The following NAA35 variants were observed in gnomAD, a reference collection of about 807,000 sequenced individuals.
NAA35 encodes the protein MAK10 homolog, amino-acid N-acetyltransferase subunit.
A neutral mutation model predicts 101.7 loss-of-function variants in NAA35; 18 were observed. The observed-to-expected ratio is 0.18, with a 90% CI of 0.12 to 0.26. The LOEUF is 0.26. Ranked by LOEUF, NAA35 falls within the 10% of genes least tolerant of loss-of-function variation. The pLI is 1.00. For missense variants in NAA35, 601 were observed against 886.8 expected (o/e 0.68, Z 4.09); for synonymous variants, 267 against 273.1 (o/e 0.98, Z 0.22).
chr9:85,962,087 A>G lies in NAA35; in HGVS notation c.423A>G (p.Ile141Met), dbSNP rs766499285. The G allele has an allele frequency of 2.5e-6, 4 of 1,614,150 alleles. No individual in the cohort carries two copies. Among genetic ancestry groups the G allele is most frequent in the South Asian group, 1.1e-5 (1 of 91,082 alleles). The change falls in exon 6 of 23, where the codon ATA becomes ATG. Residue 141 changes from isoleucine to methionine, a missense_variant. Physicochemically the swap from Ile to Met is conservative, Grantham distance 10. Around this residue, in one of 8 missense-constraint regions of NAA35, gnomAD observed 86 missense variants for 169.4 expected, o/e 0.51. Coordinates refer to ENST00000361671, the MANE Select transcript of NAA35 (RefSeq NM_024635.4). ...TCLYIHNPDFIEDPAMKAFAL... is the reference protein window; with the variant it reads ...TCLYIHNPDFMEDPAMKAFAL... The stretch of plus-strand genomic sequence containing the variant: ...TTTACATTCATAATCCAGACTTTAT[A>G]GAAGATCCTGCTATGAAGGCTTTTG...
At chr9:85,944,228 CTG>C (rs1213832399) in intron 2 of NAA35, among the ~76,000 whole-genome samples, 1 of 152,142 alleles carries the variant, frequency 6.6e-6, no homozygotes, top group Non-Finnish European at 1.5e-5. Flanking sequence ...GTTTTCTACT[CTG>C]GAAAACAGAG....
In NAA35 at chr9:85,959,876, G is replaced by A. The variant is rs775682991; in HGVS notation, c.348+9G>A. 1 of 1,594,946 alleles carries A rather than the reference G, an allele frequency of 6.3e-7. No homozygotes were observed. The highest frequency in any genetic ancestry group is 8.6e-7 in the Non-Finnish European group (1 of 1,166,180). On this transcript the variant is annotated intron_variant, in intron 5 of 22. Transcript: ENST00000361671. ...CATGTTTTTGCTGTTTGGTAAGAAT[G>A]GAAATAAGACTATTGGTTAATTTTA...
intron 15 of NAA35, among the ~76,000 whole-genome samples, chr9:86,012,785 G>C (rs1030819028): frequency 3.9e-5 from 6 of 152,156 alleles, no homozygotes. Flanking sequence ...ATTGCAAGAA[G>C]ATATCTAAAG....
chr9:85,946,405 T>G (rs1828764284), intron 2 of NAA35, among the ~76,000 whole-genome samples: 1 of 152,192 alleles, frequency 6.6e-6, no homozygotes, highest in African/African-American at 2.4e-5. Context: ...TTATCCACAC[T>G]ATGGATAGCA....
rs1459705596 is a variant in NAA35, at chr9:86,020,886, C to T, written c.2038-3C>T. The T allele has an allele frequency of 6.2e-7, 1 of 1,605,946 alleles. No homozygotes were observed. On this transcript the variant is annotated splice_polypyrimidine_tract_variant and splice_region_variant and intron_variant, in intron 21 of 22. Transcript: ENST00000361671. The stretch of plus-strand genomic sequence containing the variant: ...TTTCAGTAGTTTTATGTTCATGTTT[C>T]AGGTTAATAGAATTTTAAAGGTTGC...
intron 13 of NAA35, among the ~76,000 whole-genome samples, chr9:86,004,605 T>A (rs556797111): frequency 6.6e-6 from 1 of 151,854 alleles, no homozygotes; most frequent in Non-Finnish European, 1.5e-5. Context: ...AGAAAAACAA[T>A]GGAGAAAATC....
chr9:85,994,823 A>G (rs1034020753), intron 11 of NAA35, among the ~76,000 whole-genome samples: 27 of 152,206 alleles, frequency 1.8e-4, no homozygotes, highest in African/African-American at 6.3e-4. Context: ...TTGATAGTAC[A>G]GAAGGGAGAC....
intron 17 of NAA35, among the ~76,000 whole-genome samples, chr9:86,014,858 CCTTA>C (rs1406925019): frequency 6.6e-5 from 10 of 152,116 alleles, no homozygotes; most frequent in Admixed American, 4.6e-4. Flanking sequence ...ACCAAATAAT[CCTTA>C]CTAACAGGTA....
At chr9:86,002,979 T>C (rs188557375) in intron 12 of NAA35, among the ~76,000 whole-genome samples, 1 of 152,306 alleles carries the variant, frequency 6.6e-6, no homozygotes, top group Admixed American at 6.5e-5. Context: ...GGATGTTCCT[T>C]TAACTGCAGT....
chr9:85,974,114 G>A (rs748627663), intron 6 of NAA35, among the ~76,000 whole-genome samples: 3 of 151,920 alleles, frequency 2.0e-5, no homozygotes, highest in Non-Finnish European at 1.5e-5. Flanking sequence ...ATGCCACCAT[G>A]CCTGGCTAAT....
At chr9:86,007,546 A>G (rs1831703185) in intron 14 of NAA35, 82 bp downstream of exon 14, 10 of 950,610 alleles carry the variant, frequency 1.1e-5, no homozygotes, top group African/African-American at 1.6e-5. Context: ...CTTTATAGCC[A>G]AAGTATCAAA....
chr9:85,945,810 T>C (rs10114397), intron 2 of NAA35, among the ~76,000 whole-genome samples: 14,582 of 152,182 alleles, frequency 0.096, 2,265 homozygotes, highest in African/African-American at 0.32. Flanking sequence ...TGAGCCACTG[T>C]GCCCAGCCTG....
At chr9:85,957,509 A>G (rs149409033) in intron 3 of NAA35, among the ~76,000 whole-genome samples, 27 of 152,272 alleles carry the variant, frequency 1.8e-4, no homozygotes, top group African/African-American at 5.1e-4. Context: ...GCATTAATCT[A>G]TTCATGGGGA....
At chr9:86,004,661 G>A (rs1831555211) in intron 13 of NAA35, among the ~76,000 whole-genome samples, 1 of 152,084 alleles carries the variant, frequency 6.6e-6, no homozygotes, top group African/African-American at 2.4e-5. Context: ...TGAAGTCAAT[G>A]AACCTCTAAT....
chr9:86,005,400 A>G (rs1831589406), intron 13 of NAA35, among the ~76,000 whole-genome samples: 1 of 152,262 alleles, frequency 6.6e-6, no homozygotes, highest in Admixed American at 6.5e-5. Context: ...ATGATGAAAG[A>G]CTAAATGGTT....
intron 2 of NAA35, among the ~76,000 whole-genome samples, chr9:85,947,979 A>G (rs1001357463): frequency 6.6e-6 from 1 of 152,192 alleles, no homozygotes; most frequent in Admixed American, 6.5e-5. Context: ...TTAATCACGT[A>G]TAATATATCT....
chr9:85,964,341 G>A (rs547471423), intron 6 of NAA35, among the ~76,000 whole-genome samples: 43 of 152,200 alleles, frequency 2.8e-4, no homozygotes, highest in South Asian at 2.3e-3. Context: ...CTGTTAGTAA[G>A]TTGTGCCCAT....
chr9:85,958,648 G>C, intron 4 of NAA35, 62 bp downstream of exon 4: 3 of 1,054,026 alleles, frequency 2.8e-6, no homozygotes, highest in Non-Finnish European at 4.2e-6. Flanking sequence ...TTAAAACATG[G>C]TGCTTAATAA....
intron 2 of NAA35, among the ~76,000 whole-genome samples, chr9:85,954,882 T>A (rs190624660): frequency 6.6e-6 from 1 of 152,316 alleles, no homozygotes; most frequent in Non-Finnish European, 1.5e-5. Context: ...AATTGCTGGA[T>A]TACTAGTATG....
Sources: gnomAD v4.1 joint callset for allele counts (sites outside exome capture counted in the v4.1 genomes callset) on GRCh38, gnomAD v4.1.1 for gene constraint, gnomAD v4.1.1 regional missense constraint, MANE v1.5 for transcripts, NCBI Gene and HGNC (gene_info 2026-07-23, HGNC 2026-07-21) for gene names.